ZNF609: variants seen among roughly 807,000 people sequenced by gnomAD.
The protein encoded by ZNF609 is zinc finger protein 609.
Under a neutral mutation model 109.5 loss-of-function variants are expected in ZNF609, and 11 were observed. That is an observed-to-expected ratio of 0.10 (90% CI 0.06 to 0.17). The LOEUF (loss-of-function observed/expected upper bound fraction) is 0.17. Ranked by LOEUF, ZNF609 falls within the 10% of genes least tolerant of loss-of-function variation. The pLI, the probability that ZNF609 is intolerant of heterozygous loss-of-function variation, is 1.00. For synonymous variants in ZNF609, 646 were observed against 662.0 expected (o/e 0.98, Z 0.37); for missense variants, 1,559 against 1,772.4 (o/e 0.88, Z 2.16).
chr15:64,489,453 TACAG>T (rs2140343130), intron 1 of ZNF609, among the ~76,000 whole-genome samples: 2 of 151,526 alleles, frequency 1.3e-5, no homozygotes, highest in Non-Finnish European at 2.9e-5. Context: ...GTGCTGGAAT[TACAG>T]GCAGGAGCCA....
intron 1 of ZNF609, among the ~76,000 whole-genome samples, chr15:64,492,402 T>A (rs540090416): frequency 7.9e-5 from 12 of 152,198 alleles, no homozygotes; most frequent in South Asian, 2.1e-4. Context: ...TAAAAAAAAA[T>A]TTTTTAAACA....
intron 2 of ZNF609, among the ~76,000 whole-genome samples, chr15:64,610,606 C>A (rs1595738392): frequency 6.6e-6 from 1 of 152,106 alleles, no homozygotes; most frequent in East Asian, 1.9e-4. Flanking sequence ...AATGATTGCG[C>A]CACTGTAGTC....
At chr15:64,602,211 C>T (rs1895509203) in intron 2 of ZNF609, among the ~76,000 whole-genome samples, 1 of 152,128 alleles carries the variant, frequency 6.6e-6, no homozygotes, top group South Asian at 2.1e-4. Context: ...AACACTAGCC[C>T]ATTTTCTTCT....
chr15:64,578,119 A>C (rs1895032544), intron 2 of ZNF609, among the ~76,000 whole-genome samples: 1 of 152,048 alleles, frequency 6.6e-6, no homozygotes, highest in Admixed American at 6.6e-5. Context: ...ATAGATTTTT[A>C]CTAAATAAAA....
chr15:64,488,100 C>T (rs1003592773), intron 1 of ZNF609, among the ~76,000 whole-genome samples: 7 of 152,054 alleles, frequency 4.6e-5, no homozygotes, highest in East Asian at 1.9e-4. Flanking sequence ...GCTAGGAATA[C>T]GCAGAAATGG....
intron 2 of ZNF609, among the ~76,000 whole-genome samples, chr15:64,570,341 A>G (rs529981287): frequency 1.4e-4 from 21 of 152,294 alleles, no homozygotes; most frequent in African/African-American, 5.1e-4. Context: ...CATCTTTATC[A>G]TTTAAATACT....
intron 1 of ZNF609, among the ~76,000 whole-genome samples, chr15:64,463,303 TAGAA>T (rs1254682833): frequency 2.0e-5 from 3 of 151,208 alleles, no homozygotes; most frequent in Non-Finnish European, 2.9e-5. Context: ...GAGGCTGAGG[TAGAA>T]AGATCTCGTT....
chr15:64,571,208 G>T (rs1249186688), intron 2 of ZNF609, among the ~76,000 whole-genome samples: 1 of 152,180 alleles, frequency 6.6e-6, no homozygotes, highest in Non-Finnish European at 1.5e-5. Context: ...GGGAAGATAT[G>T]AAACTTTTGG....
chr15:64,671,470 C>G (rs1896730613), intron 4 of ZNF609: 2 of 152,110 alleles, frequency 1.3e-5, no homozygotes, highest in Admixed American at 6.6e-5. Context: ...CATGGGTGAG[C>G]AAACATTCAT....
chr15:64,653,019 T>A (rs1334704246), intron 3 of ZNF609: 2 of 152,248 alleles, frequency 1.3e-5, no homozygotes, highest in Non-Finnish European at 2.9e-5. Flanking sequence ...ATACTCCAAG[T>A]CTGTACAGAA....
Position 64,636,742 on chromosome 15 carries a change from T to C in ZNF609, c.973+13690T>C, listed in dbSNP as rs190701064. On this transcript the variant is annotated intron_variant, in intron 3 of 9. Coordinates refer to ENST00000326648, the MANE Select transcript of ZNF609 (RefSeq NM_015042.2). Reference sequence around the variant, plus strand: ...TGCCATGTGCTGTTGCCTTAGATACTAGACTAGTCTTCTGCCCTAGAGATT... The same window carrying C: ...TGCCATGTGCTGTTGCCTTAGATACCAGACTAGTCTTCTGCCCTAGAGATT... Among the ~76,000 whole-genome samples the C allele has an allele frequency of 2.6e-5, 4 of 152,330 alleles. No homozygotes were observed. The East Asian group carries it at 7.7e-4, about 29-fold the overall frequency.
chr15:64,609,481 G>A (rs540950629), intron 2 of ZNF609, among the ~76,000 whole-genome samples: 248 of 149,834 alleles, frequency 1.7e-3, no homozygotes, highest in African/African-American at 5.8e-3. Flanking sequence ...GCGCCCGGCC[G>A]TATTTTTTTA....
chr15:64,620,716 A>G (rs1471683353), intron 2 of ZNF609, among the ~76,000 whole-genome samples: 2 of 152,200 alleles, frequency 1.3e-5, no homozygotes, highest in African/African-American at 4.8e-5. Flanking sequence ...ATTAATCAGA[A>G]TCAGTGTATG....
At chr15:64,500,813 G>A (rs1412292972) in intron 2 of ZNF609, 1 of 184,114 alleles carries the variant, frequency 5.4e-6, no homozygotes, top group Non-Finnish European at 1.1e-5. Context: ...CATTAAAGGT[G>A]TAGCTTCATG....
In ZNF609 at chr15:64,529,981, C is replaced by T. The variant is rs375169564; in HGVS notation, c.747+29815C>T. On this transcript the variant is annotated intron_variant, in intron 2 of 9. Coordinates refer to ENST00000326648, the MANE Select transcript of ZNF609 (RefSeq NM_015042.2). ...CCGACCTCAGGTGATCCACCCACCT[C>T]GGCCTCCCAAAGTGCTGGGATTACA... 1.6e-3 allele frequency among the ~76,000 whole-genome samples: 248 copies of T among 152,014 alleles called. 9 individuals carry two copies. In the South Asian group the frequency reaches 0.048, roughly 29 times the overall value.
chr15:64,569,660 C>T (rs1470657370), intron 2 of ZNF609, among the ~76,000 whole-genome samples: 1 of 152,242 alleles, frequency 6.6e-6, no homozygotes, highest in Non-Finnish European at 1.5e-5. Context: ...CAGTGAGTCT[C>T]CTTGTGAAAA....
intron 1 of ZNF609, among the ~76,000 whole-genome samples, chr15:64,484,494 G>A (rs1893302947): frequency 6.6e-6 from 1 of 151,928 alleles, no homozygotes; most frequent in African/African-American, 2.4e-5. Context: ...TGGCCAACAT[G>A]GTGAAACCCC....
At chr15:64,501,199 A>G (rs1893556726) in intron 2 of ZNF609, 1 of 152,040 alleles carries the variant, frequency 6.6e-6, no homozygotes, top group South Asian at 2.1e-4. Context: ...TTTCTCTGTA[A>G]TTAGATCAGC....
intron 2 of ZNF609, among the ~76,000 whole-genome samples, chr15:64,596,015 A>T (rs1251261949): frequency 6.6e-6 from 1 of 152,178 alleles, no homozygotes; most frequent in East Asian, 1.9e-4. Context: ...TCACTGGATA[A>T]CATTTGGCTA....
Sources: gnomAD v4.1 joint callset for allele counts (sites outside exome capture counted in the v4.1 genomes callset) on GRCh38, gnomAD v4.1.1 for gene constraint, MANE v1.5 for transcripts, NCBI Gene and HGNC (gene_info 2026-07-23, HGNC 2026-07-21) for gene names.